The following ELMO1 variants were observed in gnomAD, a reference collection of about 807,000 sequenced individuals.
ELMO1 encodes the protein engulfment and cell motility protein 1.
In ELMO1, 26 loss-of-function variants were observed where a neutral mutation model predicts 98.9. That is an observed-to-expected ratio of 0.26 (90% CI 0.19 to 0.36). ELMO1 has a LOEUF of 0.36. Among genes scored for constraint, ELMO1 ranks in the 10% least tolerant of loss-of-function variants. The probability of loss-of-function intolerance (pLI) is 1.00; values close to 1 mark genes in which losing one functional copy is unlikely to be tolerated. For missense variants in ELMO1, 627 were observed against 935.2 expected (o/e 0.67, Z 4.30); for synonymous variants, 346 against 346.0 (o/e 1.00, Z 0.00).
rs189232766 is a variant in ELMO1, at chr7:36,938,407, A to G, written c.1438-43390T>C. Among the ~76,000 whole-genome samples, 493 of 152,348 alleles carry G rather than the reference A, an allele frequency of 3.2e-3. 1 individual carries two copies. The highest frequency in any genetic ancestry group is 0.011 in the African/African-American group (440 of 41,586). On this transcript the variant is annotated intron_variant, in intron 16 of 21. Coordinates refer to ENST00000310758, the MANE Select transcript of ELMO1 (RefSeq NM_014800.11). Reference sequence around the variant, plus strand: ...AAGAGATTGTACTTAGATAACTTCAAAAGTGTCTTCAGAGCTTGTTCCACT... The same window carrying G: ...AAGAGATTGTACTTAGATAACTTCAGAAGTGTCTTCAGAGCTTGTTCCACT...
chr7:36,929,072 C>T (rs372302564), intron 16 of ELMO1, among the ~76,000 whole-genome samples: 22 of 152,346 alleles, frequency 1.4e-4, no homozygotes, highest in African/African-American at 4.8e-4. Context: ...AAGAGTTTTA[C>T]TCGGGGCACC....
intron 16 of ELMO1, among the ~76,000 whole-genome samples, chr7:36,998,693 G>C (rs1426509695): frequency 6.6e-6 from 1 of 152,042 alleles, no homozygotes; most frequent in Non-Finnish European, 1.5e-5. Context: ...GTCCACCGGA[G>C]GCCATTCTTT....
intron 1 of ELMO1, among the ~76,000 whole-genome samples, chr7:37,425,477 T>C (rs935324022): frequency 6.6e-6 from 1 of 152,360 alleles, no homozygotes; most frequent in East Asian, 1.9e-4. Flanking sequence ...ATTATTTACA[T>C]GTGTCTCCTT....
chr7:37,441,463 G>A (rs946647205), intron 1 of ELMO1, among the ~76,000 whole-genome samples: 1 of 152,154 alleles, frequency 6.6e-6, no homozygotes. Context: ...TGTCCTGGTC[G>A]CACTAATGGA....
chr7:36,854,605 T>C lies in ELMO1; in HGVS notation c.*946A>G, dbSNP rs1405495710. The stretch of plus-strand genomic sequence containing the variant: ...TAAATACCAGTAATAATTACAATGA[T>C]GTAAACTTGGATGTCTGACAGCTTG... On this transcript the variant is annotated 3_prime_UTR_variant, in exon 22 of 22. Coordinates refer to ENST00000310758, the MANE Select transcript of ELMO1 (RefSeq NM_014800.11). 6.6e-6 allele frequency: 1 copy of C among 151,344 alleles called. No individual in the cohort carries two copies. Among genetic ancestry groups the C allele is most frequent in the Non-Finnish European group, 1.5e-5 (1 of 67,918 alleles). The allele number at this position is 151,344 out of a possible 1,614,324, so 9.4% of individuals were successfully genotyped here. A position where few individuals can be genotyped will look rare whatever the true frequency, so the allele number is the denominator to read the frequency against.
intron 1 of ELMO1, among the ~76,000 whole-genome samples, chr7:37,383,129 T>G (rs1393385983): frequency 6.6e-6 from 1 of 152,264 alleles, no homozygotes; most frequent in Non-Finnish European, 1.5e-5. Flanking sequence ...CAGGCCCTCT[T>G]TAAATTTCAC....
At chr7:37,357,424 C>T (rs1418904221) in intron 1 of ELMO1, among the ~76,000 whole-genome samples, 1 of 152,068 alleles carries the variant, frequency 6.6e-6, no homozygotes, top group African/African-American at 2.4e-5. Context: ...GCCCAGCTGC[C>T]CCCCAGAAGC....
chr7:36,905,020 T>C (rs1047130284), intron 16 of ELMO1, among the ~76,000 whole-genome samples: 6 of 152,228 alleles, frequency 3.9e-5, no homozygotes, highest in Non-Finnish European at 8.8e-5. Flanking sequence ...ATCACATTAG[T>C]GGGTGGCATT....
At chr7:37,292,336 A>G (rs1797738973) in intron 4 of ELMO1, among the ~76,000 whole-genome samples, 1 of 83,580 alleles carries the variant, frequency 1.2e-5, no homozygotes, top group Non-Finnish European at 3.2e-5. Flanking sequence ...GGCCTCCCAA[A>G]GTGCCGAGAT....
At chr7:37,214,749 G>C (rs542261217) in intron 11 of ELMO1, among the ~76,000 whole-genome samples, 5 of 152,316 alleles carry the variant, frequency 3.3e-5, no homozygotes, top group Admixed American at 3.3e-4. Context: ...CACACACTTA[G>C]TATCCAAAGC....
chr7:37,141,602 G>A (rs1787646182), intron 13 of ELMO1, among the ~76,000 whole-genome samples: 5 of 152,076 alleles, frequency 3.3e-5, no homozygotes, highest in Admixed American at 3.3e-4. Flanking sequence ...TTTTCCCACA[G>A]GTTAAACAGA....
chr7:36,972,272 G>T (rs1415449790), intron 16 of ELMO1, among the ~76,000 whole-genome samples: 1 of 152,210 alleles, frequency 6.6e-6, no homozygotes, highest in African/African-American at 2.4e-5. Flanking sequence ...ACGGGAAGGA[G>T]ATAACAACTC....
intron 1 of ELMO1, among the ~76,000 whole-genome samples, chr7:37,345,758 G>A (rs901095672): frequency 6.6e-5 from 10 of 151,738 alleles, no homozygotes; most frequent in Non-Finnish European, 1.3e-4. Flanking sequence ...GGGAGGCCGA[G>A]GCAGGCAGAT....
In ELMO1 at chr7:36,910,952, G is replaced by A. The variant is rs145944886; in HGVS notation, c.1438-15935C>T. Among the ~76,000 whole-genome samples, 83 of 152,204 alleles carry A rather than the reference G, an allele frequency of 5.5e-4. 1 individual carries two copies. The East Asian group carries it at 0.016, about 29-fold the overall frequency. On this transcript the variant is annotated intron_variant, in intron 16 of 21. Coordinates refer to ENST00000310758, the MANE Select transcript of ELMO1 (RefSeq NM_014800.11). ...TGGACATCCTTATAACTTCTGACTT[G>A]AGTATTCTGAATAAGCTTGTGAGAA...
At chr7:37,087,887 T>C (rs1423003934) in intron 15 of ELMO1, among the ~76,000 whole-genome samples, 1 of 152,164 alleles carries the variant, frequency 6.6e-6, no homozygotes, top group African/African-American at 2.4e-5. Context: ...GAGACACAGA[T>C]AAAGTGCTAC....
At chr7:37,154,134 A>ATC (rs1381328476) in intron 13 of ELMO1, among the ~76,000 whole-genome samples, 1 of 152,220 alleles carries the variant, frequency 6.6e-6, no homozygotes, top group Admixed American at 6.5e-5. Context: ...AAAAAAGGAC[A>ATC]TCCACACCAA....
chr7:37,016,868 GT>G (rs1371768876), intron 15 of ELMO1, among the ~76,000 whole-genome samples: 1 of 152,188 alleles, frequency 6.6e-6, no homozygotes, highest in Non-Finnish European at 1.5e-5. Context: ...TCAAGGTCGA[GT>G]TGGCTCCAAA....
In ELMO1 at chr7:37,042,806, C is replaced by T. The variant is rs978537248; in HGVS notation, c.1301-29371G>A. ...TTTCTTTGTAACATTCAAGTCTCAG[C>T]GTCAATGTAACCTCTTCAGAGAAGC... On this transcript the variant is annotated intron_variant, in intron 15 of 21. Coordinates refer to ENST00000310758, the MANE Select transcript of ELMO1 (RefSeq NM_014800.11). Among the ~76,000 whole-genome samples, 12 of 152,166 alleles carry T rather than the reference C, an allele frequency of 7.9e-5. No individual in the cohort carries two copies. In the East Asian group the frequency reaches 1.5e-3, roughly 20 times the overall value.
At chr7:36,886,966 A>C (rs1191643013) in intron 18 of ELMO1, among the ~76,000 whole-genome samples, 1 of 152,192 alleles carries the variant, frequency 6.6e-6, no homozygotes, top group East Asian at 1.9e-4. Flanking sequence ...AATAAGGGCC[A>C]TCCATGCTGG....
Sources: gnomAD v4.1 joint callset for allele counts (sites outside exome capture counted in the v4.1 genomes callset) on GRCh38, gnomAD v4.1.1 for gene constraint, MANE v1.5 for transcripts, NCBI Gene and HGNC (gene_info 2026-07-23, HGNC 2026-07-21) for gene names.